The following LYPLAL1 variants were observed in gnomAD, a reference collection of about 807,000 sequenced individuals.
LYPLAL1 encodes lysophospholipase like 1, also known as lysophospholipase-like protein 1.
In LYPLAL1, 23 loss-of-function variants were observed where a neutral mutation model predicts 19.7. The ratio of observed to expected loss-of-function variants is 1.17; its 90% CI spans 0.84 to 1.65. LYPLAL1 has a LOEUF of 1.65. LYPLAL1 is among the 40% of genes most tolerant of loss of function. The pLI is 0.00. For missense variants in LYPLAL1, 355 were observed against 279.4 expected, an observed-to-expected ratio of 1.27 and a Z score of -1.93; for synonymous variants, 119 against 96.3, an observed-to-expected ratio of 1.24 and a Z score of -1.38.
the LYPLAL1 span, among the ~76,000 whole-genome samples, chr1:219,401,352 A>ATTTTTTTTTTTTTTTT: frequency 4.1e-5 from 4 of 98,044 alleles, no homozygotes; most frequent in East Asian, 1.2e-3. Context: ...TCTTTTTTTA[A>ATTTTTTTTTTTTTTTT]TTGCCACTTA....
chr1:219,185,216 T>A (rs528012303), intron 2 of LYPLAL1, among the ~76,000 whole-genome samples: 55 of 152,090 alleles, frequency 3.6e-4, no homozygotes, highest in African/African-American at 1.1e-3. Context: ...TTCCTTTTAA[T>A]GCTTTTATGA....
At chr1:219,181,429 T>G (rs1656272298) in intron 2 of LYPLAL1, among the ~76,000 whole-genome samples, 1 of 152,208 alleles carries the variant, frequency 6.6e-6, no homozygotes, top group Non-Finnish European at 1.5e-5. Context: ...GTCATCATTT[T>G]TACTTATTGG....
At chr1:219,412,165 C>T in the LYPLAL1 span, among the ~76,000 whole-genome samples, 1 of 152,124 alleles carries the variant, frequency 6.6e-6, no homozygotes, top group African/African-American at 2.4e-5. Flanking sequence ...CCTCTTGTCT[C>T]AGCCCCCCAA....
At chr1:219,327,061 T>C in the LYPLAL1 span, among the ~76,000 whole-genome samples, 9 of 152,100 alleles carry the variant, frequency 5.9e-5, no homozygotes, top group African/African-American at 1.2e-4. Flanking sequence ...ATAGCACCAC[T>C]GCACACCACC....
the LYPLAL1 span, among the ~76,000 whole-genome samples, chr1:219,403,649 A>G: frequency 2.6e-5 from 4 of 152,360 alleles, no homozygotes; most frequent in South Asian, 4.1e-4. Context: ...CTGTCAAAAT[A>G]TAACCTCTGG....
chr1:219,294,963 TG>T, the LYPLAL1 span, among the ~76,000 whole-genome samples: 2 of 152,012 alleles, frequency 1.3e-5, no homozygotes. Context: ...GAACCTTGGG[TG>T]AGGCAGCTTC....
At chr1:219,233,499 G>A in the LYPLAL1 span, among the ~76,000 whole-genome samples, 1 of 152,196 alleles carries the variant, frequency 6.6e-6, no homozygotes, top group African/African-American at 2.4e-5. Flanking sequence ...CAAGCATGCT[G>A]GCTCACGCCT....
chr1:219,205,370 A>AAAAAAAAC (rs1658485363), intron 3 of LYPLAL1, among the ~76,000 whole-genome samples: 1 of 149,792 alleles, frequency 6.7e-6, no homozygotes, highest in African/African-American at 2.5e-5. Context: ...TCTCAAAAAA[A>AAAAAAAAC]AAAAAAAACA....
chr1:219,296,544 G>A, the LYPLAL1 span, among the ~76,000 whole-genome samples: 2 of 152,132 alleles, frequency 1.3e-5, no homozygotes, highest in African/African-American at 4.8e-5. Context: ...AAGTGGAGGG[G>A]ACAAGCTCAT....
intron 3 of LYPLAL1, among the ~76,000 whole-genome samples, chr1:219,199,573 G>C (rs7514495): frequency 1.3e-5 from 2 of 151,158 alleles, no homozygotes; most frequent in Admixed American, 6.6e-5. Context: ...CTCCCAAGTA[G>C]CTGGGACTAC....
the LYPLAL1 span, among the ~76,000 whole-genome samples, chr1:219,300,084 T>G: frequency 6.6e-6 from 1 of 152,122 alleles, no homozygotes; most frequent in Non-Finnish European, 1.5e-5. Flanking sequence ...GCTCAGGCTA[T>G]CTTCCCATCC....
intron 2 of LYPLAL1, among the ~76,000 whole-genome samples, chr1:219,188,681 C>CTTT (rs35665269): frequency 2.1e-5 from 3 of 145,206 alleles, no homozygotes; most frequent in African/African-American, 5.0e-5. Flanking sequence ...TGAATGTCAA[C>CTTT]TTTTTTTTTT....
At chr1:219,421,727 G>A in the LYPLAL1 span, among the ~76,000 whole-genome samples, 1 of 152,098 alleles carries the variant, frequency 6.6e-6, no homozygotes, top group Non-Finnish European at 1.5e-5. Flanking sequence ...GGAATAAAAG[G>A]AGAAGGAGGA....
At chr1:219,276,538 G>C in the LYPLAL1 span, among the ~76,000 whole-genome samples, 1 of 152,168 alleles carries the variant, frequency 6.6e-6, no homozygotes, top group African/African-American at 2.4e-5. Flanking sequence ...TATCTTAATG[G>C]AAACTCTGAG....
At chr1:219,366,225 C>T in the LYPLAL1 span, among the ~76,000 whole-genome samples, 1 of 152,000 alleles carries the variant, frequency 6.6e-6, no homozygotes, top group East Asian at 1.9e-4. Flanking sequence ...AAAATAATTG[C>T]AAATGATAAT....
the LYPLAL1 span, among the ~76,000 whole-genome samples, chr1:219,335,739 CA>C: frequency 6.6e-6 from 1 of 151,820 alleles, no homozygotes; most frequent in Non-Finnish European, 1.5e-5. Flanking sequence ...ATCCACTGAA[CA>C]CTTTAATGCG....
chr1:219,237,339 G>C, the LYPLAL1 span, among the ~76,000 whole-genome samples: 1 of 152,118 alleles, frequency 6.6e-6, no homozygotes, highest in Non-Finnish European at 1.5e-5. Context: ...ACATCGATGT[G>C]GATTATATAT....
the LYPLAL1 span, among the ~76,000 whole-genome samples, chr1:219,335,326 T>C: frequency 6.6e-6 from 1 of 151,910 alleles, no homozygotes; most frequent in African/African-American, 2.4e-5. Context: ...ACTTATTAAG[T>C]TAACTACAAA....
At chr1:219,284,851 C>T in the LYPLAL1 span, among the ~76,000 whole-genome samples, 2 of 152,216 alleles carry the variant, frequency 1.3e-5, no homozygotes, top group African/African-American at 4.8e-5. Context: ...TGCCACTGCA[C>T]TGGTGGTGAG....
Sources: gnomAD v4.1 joint callset for allele counts (sites outside exome capture counted in the v4.1 genomes callset) on GRCh38, gnomAD v4.1.1 for gene constraint, MANE v1.5 for transcripts, NCBI Gene and HGNC (gene_info 2026-07-23, HGNC 2026-07-21) for gene names.